RCL1: variants seen among roughly 807,000 people sequenced by gnomAD.
The protein encoded by RCL1 is RNA 3'-terminal phosphate cyclase-like protein.
A neutral mutation model predicts 42.4 loss-of-function variants in RCL1; 24 were observed. The observed-to-expected ratio is 0.57, with a 90% CI of 0.41 to 0.80. The LOEUF (loss-of-function observed/expected upper bound fraction) is 0.80. RCL1 is among the 30% of genes least tolerant of loss of function. RCL1 has a pLI of 0.00. For missense variants in RCL1, 578 were observed against 467.9 expected (o/e 1.24, Z -2.17); for synonymous variants, 228 against 177.3 (o/e 1.29, Z -2.27).
chr9:4,838,907 C>T (rs1057211036), intron 5 of RCL1, among the ~76,000 whole-genome samples: 1 of 152,194 alleles, frequency 6.6e-6, no homozygotes, highest in Admixed American at 6.5e-5. Flanking sequence ...ATTTGTTGGG[C>T]TCCTACTACA....
chr9:4,807,953 T>A (rs1223252984), intron 1 of RCL1, among the ~76,000 whole-genome samples: 2 of 152,236 alleles, frequency 1.3e-5, no homozygotes, highest in Admixed American at 6.5e-5. Flanking sequence ...TTATTGAGTT[T>A]TTTTTAATGG....
intron 1 of RCL1, among the ~76,000 whole-genome samples, chr9:4,805,504 A>T (rs1467653506): frequency 1.3e-5 from 2 of 148,520 alleles, no homozygotes; most frequent in African/African-American, 2.6e-5. Flanking sequence ...AGACAGCTTT[A>T]AAAAAAAGTT....
At chr9:4,801,840 G>T (rs1160955015) in intron 1 of RCL1, among the ~76,000 whole-genome samples, 31 of 150,240 alleles carry the variant, frequency 2.1e-4, no homozygotes, top group Admixed American at 1.7e-3. Flanking sequence ...GCATTTTTGT[G>T]TGGATCTCTT....
chr9:4,851,883 C>T (rs1403510295), intron 8 of RCL1, among the ~76,000 whole-genome samples: 1 of 29,720 alleles, frequency 3.4e-5, no homozygotes, highest in Admixed American at 3.9e-4. Flanking sequence ...ATGTGTGAAA[C>T]TCTTTTTTTT....
At chr9:4,813,894 T>G (rs554751685) in intron 1 of RCL1, among the ~76,000 whole-genome samples, 1 of 152,260 alleles carries the variant, frequency 6.6e-6, no homozygotes, top group African/African-American at 2.4e-5. Flanking sequence ...TGTAGGGACA[T>G]GGATAAAACT....
At chr9:4,830,413 T>A (rs926273200) in intron 3 of RCL1, among the ~76,000 whole-genome samples, 1 of 152,076 alleles carries the variant, frequency 6.6e-6, no homozygotes, top group Admixed American at 6.6e-5. Flanking sequence ...GGGATAAGGA[T>A]TGAAAACAGA....
At chr9:4,843,507 G>A (rs1393605767) in intron 6 of RCL1, among the ~76,000 whole-genome samples, 2 of 152,098 alleles carry the variant, frequency 1.3e-5, no homozygotes, top group African/African-American at 4.8e-5. Flanking sequence ...CTTGAAATAG[G>A]CCTGATAACA....
chr9:4,851,406 G>A (rs954096772), intron 8 of RCL1, among the ~76,000 whole-genome samples: 1 of 152,220 alleles, frequency 6.6e-6, no homozygotes, highest in African/African-American at 2.4e-5. Context: ...AGACAGGTAA[G>A]GGAGTCTATT....
At chr9:4,813,475 A>T (rs990204266) in intron 1 of RCL1, among the ~76,000 whole-genome samples, 26 of 152,246 alleles carry the variant, frequency 1.7e-4, no homozygotes, top group Admixed American at 1.2e-3. Context: ...ATGCAAATCA[A>T]AACCACAGTG....
chr9:4,858,292 C>G (rs559828724), intron 8 of RCL1, among the ~76,000 whole-genome samples: 12 of 152,196 alleles, frequency 7.9e-5, no homozygotes, highest in African/African-American at 2.4e-4. Context: ...TTTCTCCAAT[C>G]CTGTAGGTTG....
intron 5 of RCL1, 134 bp from the exon 6 acceptor site, chr9:4,841,098 A>T: frequency 1.1e-6 from 1 of 935,034 alleles, no homozygotes; most frequent in Middle Eastern, 2.2e-4. Flanking sequence ...TAATTCAGTA[A>T]ATTCAGTTGG....
At chr9:4,844,377 T>C in intron 6 of RCL1, 148 bp from the exon 7 acceptor site, 1 of 551,890 alleles carries the variant, frequency 1.8e-6, no homozygotes, top group Middle Eastern at 4.7e-4. Flanking sequence ...AGTAAACTAG[T>C]AGCAACTCTA....
At chr9:4,808,548 A>C (rs752221671) in intron 1 of RCL1, among the ~76,000 whole-genome samples, 1 of 152,150 alleles carries the variant, frequency 6.6e-6, no homozygotes, top group African/African-American at 2.4e-5. Context: ...AGCTCAAGTG[A>C]TCCACCTGCC....
rs536053400 is a variant in RCL1, at chr9:4,822,251, G to C, written c.137-1297G>C. ...GATCAGTTTAGGTGACTACTGGACT[G>C]TGTCCATAAACTCTGCTGGTTTATT... On this transcript the variant is annotated intron_variant, in intron 1 of 8. Coordinates refer to ENST00000381750, the MANE Select transcript of RCL1 (RefSeq NM_005772.5). 9.8e-5 allele frequency among the ~76,000 whole-genome samples: 15 copies of C among 152,340 alleles called. No homozygotes were observed. In the East Asian group the frequency reaches 2.7e-3, roughly 27 times the overall value.
chr9:4,798,090 G>A (rs1842942490), intron 1 of RCL1, among the ~76,000 whole-genome samples: 1 of 152,220 alleles, frequency 6.6e-6, no homozygotes, highest in South Asian at 2.1e-4. Flanking sequence ...AGACAAACGT[G>A]TAGTGAGGGA....
intron 1 of RCL1, among the ~76,000 whole-genome samples, chr9:4,821,453 T>G (rs1483300293): frequency 6.6e-6 from 1 of 152,202 alleles, no homozygotes; most frequent in Non-Finnish European, 1.5e-5. Flanking sequence ...CCATTTCGTT[T>G]TGCTATAACA....
At chr9:4,855,328 A>G (rs1817914010) in intron 8 of RCL1, among the ~76,000 whole-genome samples, 1 of 146,912 alleles carries the variant, frequency 6.8e-6, no homozygotes, top group Non-Finnish European at 1.5e-5. Context: ...GTGGTTACTC[A>G]TTGAGGGGCA....
intron 2 of RCL1, among the ~76,000 whole-genome samples, chr9:4,824,965 G>A (rs1816710178): frequency 6.6e-6 from 1 of 152,170 alleles, no homozygotes; most frequent in Non-Finnish European, 1.5e-5. Context: ...AGGCTGGAGT[G>A]CAGTGGTGCG....
intron 5 of RCL1, among the ~76,000 whole-genome samples, chr9:4,835,711 C>T (rs181507053): frequency 3.4e-4 from 51 of 152,236 alleles, no homozygotes; most frequent in Admixed American, 1.7e-3. Context: ...ACGTGGGTGC[C>T]GACGCCGGCT....
Sources: allele counts gnomAD v4.1 joint callset (sites outside exome capture counted in the v4.1 genomes callset), GRCh38; gene constraint gnomAD v4.1.1; transcripts MANE v1.5; gene names NCBI Gene and HGNC (gene_info 2026-07-23, HGNC 2026-07-21).